Variants in DNMT3A observed in about 807,000 individuals in gnomAD.
The protein encoded by DNMT3A is DNA methyltransferase 3 alpha, also known as DNA (cytosine-5)-methyltransferase 3A.
DNMT3A carries 267 observed loss-of-function variants against 117.6 expected under a neutral mutation model. The observed-to-expected ratio is 2.27, with a 90% CI of 2.05 to 2.51. DNMT3A has a LOEUF of 2.51. Ranked by LOEUF, DNMT3A falls within the 30% of genes most tolerant of loss-of-function variation. DNMT3A has a pLI of 0.00. For missense variants in DNMT3A, 1,029 were observed against 1,260.2 expected (o/e 0.82, Z 2.78); for synonymous variants, 432 against 474.8 (o/e 0.91, Z 1.17).
At position 25,235,745 on chromosome 2, in the gene DNMT3A, AT is replaced by A; in HGVS notation, c.2558del (p.Asn853MetfsTer28). 1 of 1,614,146 alleles carries A rather than the reference AT, an allele frequency of 6.2e-7. No homozygotes were observed. The highest frequency in any genetic ancestry group is 1.1e-5 in the South Asian group (1 of 91,076). On this transcript the variant is annotated frameshift_variant, in exon 22 of 23. Coordinates refer to ENST00000321117, the MANE Select transcript of DNMT3A (RefSeq NM_022552.5). LOFTEE classifies it high-confidence loss of function. ...GKDQHFPVFM[N>X]EKEDILWCTE... Reference sequence around the variant, plus strand: ...TGCACCATAAGATGTCCTCTTTCTCATTCATGAAGACAGGAAAATGCTGGTC... The same window carrying A: ...TGCACCATAAGATGTCCTCTTTCTCATCATGAAGACAGGAAAATGCTGGTC...
At chr2:25,239,410 T>C in intron 19 of DNMT3A, 195 bp from the exon 20 acceptor site, 2 of 659,988 alleles carry the variant, frequency 3.0e-6, no homozygotes. Context: ...ACTGGAACGT[T>C]CTAGATCAGC....
intron 19 of DNMT3A, chr2:25,239,581 G>T (rs898650088): frequency 3.8e-6 from 2 of 530,028 alleles, no homozygotes; most frequent in Admixed American, 4.5e-5. Flanking sequence ...GCATGTGGCT[G>T]GTGGCTACCA....
At chr2:25,235,913 G>A (rs1477958753) in intron 21 of DNMT3A, 88 bp from the exon 22 acceptor site, 12 of 1,237,852 alleles carry the variant, frequency 9.7e-6, no homozygotes, top group East Asian at 2.3e-5. Context: ...CCAGGTACTC[G>A]CCAAACCCTG....
intron 6 of DNMT3A, among the ~76,000 whole-genome samples, chr2:25,253,194 T>G (rs1675805663): frequency 6.6e-6 from 1 of 152,076 alleles, no homozygotes; most frequent in Non-Finnish European, 1.5e-5. Flanking sequence ...TTCCTCCTCC[T>G]GAACAAAGGC....
intron 16 of DNMT3A, among the ~76,000 whole-genome samples, chr2:25,242,326 A>T (rs1674175261): frequency 6.6e-6 from 1 of 151,912 alleles, no homozygotes; most frequent in Non-Finnish European, 1.5e-5. Context: ...AGATTTCCTT[A>T]CCACGATCCC....
At chr2:25,334,775 C>T (rs533802943) in intron 1 of DNMT3A, among the ~76,000 whole-genome samples, 1 of 152,320 alleles carries the variant, frequency 6.6e-6, no homozygotes, top group South Asian at 2.1e-4. Flanking sequence ...GCAACCTTTC[C>T]GGAAAAGACA....
chr2:25,300,918 A>C (rs937000588), intron 2 of DNMT3A, among the ~76,000 whole-genome samples: 1 of 150,498 alleles, frequency 6.6e-6, no homozygotes, highest in Non-Finnish European at 1.5e-5. Flanking sequence ...TTATATGAGA[A>C]AGCTTTTGTT....
rs1674822233 is a variant in DNMT3A at position 25,246,690 on chromosome 2, G to A, written c.1209C>T (p.Asn403=). The change falls in exon 10 of 23, where the codon AAC becomes AAT. Residue 403 remains asparagine, a synonymous_variant. Coordinates refer to ENST00000321117, the MANE Select transcript of DNMT3A (RefSeq NM_022552.5). ...CCAGGGCCCATTCAATCATGGGCTTGTTCTGCACCTCCACGGCCTTGGCAG... is the reference window on the plus strand; with the variant it reads ...CCAGGGCCCATTCAATCATGGGCTTATTCTGCACCTCCACGGCCTTGGCAG... ...SDTAKAVEVQ[N]KPMIEWALGG... is the part of the protein sequence containing the mutation. The A allele has an allele frequency of 6.2e-7, 1 of 1,613,792 alleles. No individual in the cohort carries two copies. Among genetic ancestry groups the A allele is most frequent in the Non-Finnish European group, 8.5e-7 (1 of 1,180,036 alleles).
At chr2:25,323,095 C>T (rs1406339535) in intron 1 of DNMT3A, among the ~76,000 whole-genome samples, 3 of 152,078 alleles carry the variant, frequency 2.0e-5, no homozygotes, top group African/African-American at 7.2e-5. Flanking sequence ...AACCCTCACC[C>T]CAGGCAAGTG....
chr2:25,264,132 G>GTTTTTTTTTGTT (rs2029960333), intron 6 of DNMT3A, among the ~76,000 whole-genome samples: 1 of 73,740 alleles, frequency 1.4e-5, no homozygotes. Flanking sequence ...CAACCCTTTG[G>GTTTTTTTTTGTT]TTTTTTTTTT....
chr2:25,268,427 C>A (rs2030562395), intron 6 of DNMT3A, among the ~76,000 whole-genome samples: 1 of 152,188 alleles, frequency 6.6e-6, no homozygotes, highest in Admixed American at 6.5e-5. Flanking sequence ...GGCGAGATGA[C>A]CGCCCAGCTA....
rs70947875 is a variant in DNMT3A, at chr2:25,272,977, A to ATTTTTTTTTTTT, written c.639+1952_639+1963dup. Among the ~76,000 whole-genome samples, 90 of 106,452 alleles carry ATTTTTTTTTTTT rather than the reference A, an allele frequency of 8.5e-4. 2 individuals carry two copies. The highest frequency in any genetic ancestry group is 1.5e-3 in the African/African-American group (36 of 23,350). 69.8% of individuals were successfully genotyped at this position (106,452 alleles called of 152,430 possible). ...CCACCACACCTGGCTAATTGTTTGT[A>ATTTTTTTTTTTT]TTTTTTTTTTTTTTGAGACAGAGTT... is the stretch of plus-strand genomic sequence containing the variant. On this transcript the variant is annotated intron_variant, in intron 6 of 22. Coordinates refer to ENST00000321117, the MANE Select transcript of DNMT3A (RefSeq NM_022552.5).
intron 1 of DNMT3A, among the ~76,000 whole-genome samples, chr2:25,336,670 T>A (rs571254694): frequency 6.6e-6 from 1 of 151,830 alleles, no homozygotes; most frequent in South Asian, 2.1e-4. Flanking sequence ...GCCGCCACGC[T>A]GAGGCAGTTC....
chr2:25,264,326 G>C (rs2030027973), intron 6 of DNMT3A, among the ~76,000 whole-genome samples: 1 of 151,818 alleles, frequency 6.6e-6, no homozygotes. Flanking sequence ...TTTCAGTAGA[G>C]ACGGCGTTTC....
Position 25,245,262 on chromosome 2 carries a change from T to C in DNMT3A, c.1545A>G (p.Gln515=), listed in dbSNP as rs1266524531. ...GTGGGTGTGCTCCTACCTTGCAGTT[T>C]TGGCACATTCCTCCAACGAAGAGGG... The part of the protein sequence containing the change: ...EHPLFVGGMC[Q]NCKNCFLECA... Residue 515 remains glutamine, a synonymous_variant, in exon 13 of 23, where the codon CAA becomes CAG. Coordinates refer to ENST00000321117, the MANE Select transcript of DNMT3A (RefSeq NM_022552.5). 6.2e-6 allele frequency: 10 copies of C among 1,613,788 alleles called. No homozygotes were observed. Among genetic ancestry groups the C allele is most frequent in the Non-Finnish European group, 8.5e-6 (10 of 1,179,988 alleles).
Position 25,247,102 on chromosome 2 carries a change from G to A in DNMT3A, c.1071C>T (p.Ala357=). 6.2e-7 allele frequency: 1 copy of A among 1,614,098 alleles called. No individual in the cohort carries two copies. The highest frequency in any genetic ancestry group is 2.2e-5 in the East Asian group (1 of 44,870). Residue 357 remains alanine (A), a synonymous_variant, in exon 9 of 23, where the codon GCC becomes GCT. Coordinates refer to ENST00000321117, the MANE Select transcript of DNMT3A (RefSeq NM_022552.5). This position sits in a 1 kb window ranked among gnomAD's most constrained non-coding sequence, Gnocchi z 5.6. ...LSSFCSAFHQ[A]TYNKQPMYRK... is the part of the protein sequence containing the mutation. ...GGTACATGGGCTGCTTGTTGTACGT[G>A]GCCTGGTGGAACGCACTGCAAAACG...
chr2:25,314,584 C>T (rs1165749612), intron 1 of DNMT3A: 6 of 985,238 alleles, frequency 6.1e-6, no homozygotes, highest in Non-Finnish European at 6.0e-6. Context: ...CTCACCCCCA[C>T]CCCCACACCT....
At chr2:25,303,031 A>G (rs2033602192) in intron 2 of DNMT3A, among the ~76,000 whole-genome samples, 1 of 152,184 alleles carries the variant, frequency 6.6e-6, no homozygotes, top group Admixed American at 6.5e-5. Flanking sequence ...AGCTTCACAA[A>G]GGGTCTGCCC....
intron 2 of DNMT3A, among the ~76,000 whole-genome samples, chr2:25,310,347 G>A (rs2149423072): frequency 6.8e-6 from 1 of 147,700 alleles, no homozygotes; most frequent in Middle Eastern, 3.4e-3. Context: ...CCCTCCATGA[G>A]GCCAGCCCCC....
Sources: gnomAD v4.1 joint callset for allele counts (sites outside exome capture counted in the v4.1 genomes callset) on GRCh38, gnomAD v4.1.1 for gene constraint, Gnocchi (gnomAD v3.1) non-coding constraint, MANE v1.5 for transcripts, NCBI Gene and HGNC (gene_info 2026-07-23, HGNC 2026-07-21) for gene names.